ZFP2: variants seen among roughly 807,000 people sequenced by gnomAD.
ZFP2 encodes the protein zinc finger protein ZFP2.
ZFP2 carries 33 observed loss-of-function variants against 36.1 expected under a neutral mutation model. That is an observed-to-expected ratio of 0.92 (90% CI 0.69 to 1.22). ZFP2 has a LOEUF of 1.22. Ranked by LOEUF, ZFP2 falls within the 50% of genes most tolerant of loss-of-function variation. The pLI, the probability that ZFP2 is intolerant of heterozygous loss-of-function variation, is 0.00. For missense variants in ZFP2, 522 were observed against 551.4 expected, an observed-to-expected ratio of 0.95 and a Z score of 0.53; for synonymous variants, 170 against 178.0, an observed-to-expected ratio of 0.96 and a Z score of 0.36.
At chr5:178,912,293 T>C (rs1758315121) in intron 1 of ZFP2, among the ~76,000 whole-genome samples, 1 of 152,218 alleles carries the variant, frequency 6.6e-6, no homozygotes, top group South Asian at 2.1e-4. Context: ...CCTTCACCAA[T>C]GAGGTGAATA....
chr5:178,922,193 T>C (rs1435094104), intron 4 of ZFP2: 1 of 1,108,772 alleles, frequency 9.0e-7, no homozygotes, highest in Non-Finnish European at 1.4e-6. Flanking sequence ...CTTGACATGG[T>C]TGTGCGTCTG....
At chr5:178,913,156 T>A in intron 3 of ZFP2, 85 bp downstream of exon 3, 1 of 734,180 alleles carries the variant, frequency 1.4e-6, no homozygotes, top group Non-Finnish European at 1.7e-6. Flanking sequence ...CTGGAGAGAC[T>A]AGGGCCACTG....
chr5:178,904,013 A>AAG (rs946199475), intron 1 of ZFP2, among the ~76,000 whole-genome samples: 2 of 151,174 alleles, frequency 1.3e-5, no homozygotes, highest in African/African-American at 4.9e-5. Context: ...AGAAAAAAAA[A>AAG]AGAAAAGTTT....
At chr5:178,930,402 C>G (rs1281741010) in intron 4 of ZFP2, among the ~76,000 whole-genome samples, 1 of 141,552 alleles carries the variant, frequency 7.1e-6, no homozygotes, top group Non-Finnish European at 1.5e-5. Context: ...CTCACTGCAA[C>G]CTCCACCTCC....
At chr5:178,910,289 G>C in intron 1 of ZFP2, 1 of 1,341,694 alleles carries the variant, frequency 7.5e-7, no homozygotes. Context: ...AGTGCTCCAT[G>C]CCTTCCTCCA....
Position 178,932,207 on chromosome 5 carries a change from C to T in ZFP2, c.894C>T (p.Tyr298=). ...HQRNHTGEKP[Y]KCNKCGKSFS... ...GAAATCACACTGGAGAAAAACCTTA[C>T]AAATGTAACAAATGCGGGAAATCCT... The change falls in exon 5 of 5, where the codon TAC becomes TAT. Residue 298 remains tyrosine (Y), a synonymous_variant. Transcript: ENST00000361362. 6.2e-7 allele frequency: 1 copy of T among 1,614,068 alleles called. No individual in the cohort carries two copies. Among genetic ancestry groups the T allele is most frequent in the Non-Finnish European group, 8.5e-7 (1 of 1,180,002 alleles).
intron 1 of ZFP2, among the ~76,000 whole-genome samples, chr5:178,896,723 G>A (rs575682588): frequency 1.3e-5 from 2 of 152,270 alleles, no homozygotes; most frequent in African/African-American, 4.8e-5. Flanking sequence ...TATAAGCATA[G>A]AAACACTTTG....
chr5:178,917,505 C>T (rs1465163887), intron 4 of ZFP2, among the ~76,000 whole-genome samples: 2 of 152,058 alleles, frequency 1.3e-5, no homozygotes, highest in Non-Finnish European at 2.9e-5. Context: ...ATTCCAGCTA[C>T]TCAGGAGGCT....
At chr5:178,897,421 T>C (rs548308064) in intron 1 of ZFP2, among the ~76,000 whole-genome samples, 2 of 152,384 alleles carry the variant, frequency 1.3e-5, no homozygotes, top group African/African-American at 4.8e-5. Context: ...CAGGTTCTTA[T>C]GGTCACACAT....
chr5:178,929,700 A>G (rs374697269), intron 4 of ZFP2, among the ~76,000 whole-genome samples: 103 of 151,988 alleles, frequency 6.8e-4, no homozygotes, highest in Admixed American at 2.2e-3. Context: ...TTATCTTCCT[A>G]TCTTCTTCTG....
chr5:178,922,336 T>C (rs1028620061), intron 4 of ZFP2: 2 of 973,180 alleles, frequency 2.1e-6, no homozygotes, highest in African/African-American at 1.6e-5. Flanking sequence ...TTATGTCTTG[T>C]TTCTCCTTTC....
intron 4 of ZFP2, 60 bp downstream of exon 4, chr5:178,916,770 G>A (rs898181255): frequency 2.1e-6 from 2 of 968,938 alleles, no homozygotes; most frequent in African/African-American, 3.5e-5. Context: ...GAAATAACAT[G>A]TCAGAATCTG....
intron 1 of ZFP2, among the ~76,000 whole-genome samples, chr5:178,896,686 C>T (rs1049592790): frequency 6.6e-6 from 1 of 152,180 alleles, no homozygotes; most frequent in African/African-American, 2.4e-5. Context: ...AAATCTATCT[C>T]CATCTGCATG....
chr5:178,911,787 A>G (rs546939824), intron 1 of ZFP2, among the ~76,000 whole-genome samples: 2 of 152,148 alleles, frequency 1.3e-5, no homozygotes, highest in Admixed American at 6.6e-5. Context: ...CTTTATTTCT[A>G]TTATCTATTC....
intron 1 of ZFP2, among the ~76,000 whole-genome samples, chr5:178,900,342 C>T (rs529437986): frequency 2.7e-5 from 4 of 147,244 alleles, no homozygotes; most frequent in East Asian, 3.9e-4. Flanking sequence ...GTCCCCCTCC[C>T]CAGCCAGACA....
chr5:178,909,508 C>T (rs949784401), intron 1 of ZFP2, among the ~76,000 whole-genome samples: 4 of 152,180 alleles, frequency 2.6e-5, no homozygotes, highest in African/African-American at 4.8e-5. Flanking sequence ...GTCCCACTTT[C>T]ACTCTTGACT....
At chr5:178,896,420 C>T (rs1054661599) in intron 1 of ZFP2, among the ~76,000 whole-genome samples, 54 of 152,106 alleles carry the variant, frequency 3.6e-4, no homozygotes, top group African/African-American at 1.1e-3. Flanking sequence ...GCGAACCTAA[C>T]CCGCGGACAT....
chr5:178,929,171 G>A (rs1262177256), intron 4 of ZFP2, among the ~76,000 whole-genome samples: 1 of 150,994 alleles, frequency 6.6e-6, no homozygotes, highest in Non-Finnish European at 1.5e-5. Context: ...GGTGGAAGGG[G>A]CTGCTGTGAA....
intron 1 of ZFP2, among the ~76,000 whole-genome samples, chr5:178,899,844 C>G (rs1464803253): frequency 6.6e-6 from 1 of 151,710 alleles, no homozygotes; most frequent in African/African-American, 2.4e-5. Flanking sequence ...ACGGCATTTT[C>G]TCTTCTCATA....
Sources: gnomAD v4.1 joint callset for allele counts (sites outside exome capture counted in the v4.1 genomes callset) on GRCh38, gnomAD v4.1.1 for gene constraint, MANE v1.5 for transcripts, NCBI Gene and HGNC (gene_info 2026-07-23, HGNC 2026-07-21) for gene names.